The following LINGO2 variants were observed in gnomAD, a reference collection of about 807,000 sequenced individuals.
The protein encoded by LINGO2 is leucine rich repeat and Ig domain containing 2.
Under a neutral mutation model 30.6 loss-of-function variants are expected in LINGO2, and 14 were observed. That is an observed-to-expected ratio of 0.46 (90% CI 0.30 to 0.72). The LOEUF (loss-of-function observed/expected upper bound fraction) is 0.72. LINGO2 is among the 30% of genes least tolerant of loss of function. LINGO2 has a pLI of 0.07. For synonymous variants in LINGO2, 317 were observed against 288.5 expected (o/e 1.10, Z -1.00); for missense variants, 729 against 751.7 (o/e 0.97, Z 0.35).
intron 1 of LINGO2, among the ~76,000 whole-genome samples, chr9:28,595,645 T>A (rs1825138162): frequency 6.6e-6 from 1 of 152,080 alleles, no homozygotes; most frequent in Non-Finnish European, 1.5e-5. Flanking sequence ...TTTTTCTTCA[T>A]GGAAACAACT....
At chr9:29,016,799 C>T in the LINGO2 span, among the ~76,000 whole-genome samples, 1 of 152,106 alleles carries the variant, frequency 6.6e-6, no homozygotes, top group Admixed American at 6.6e-5. Context: ...AGACAACTGA[C>T]CAGCAAAATT....
At chr9:28,695,883 T>G in the LINGO2 span, among the ~76,000 whole-genome samples, 1 of 152,104 alleles carries the variant, frequency 6.6e-6, no homozygotes, top group African/African-American at 2.4e-5. Flanking sequence ...AAATGGTATT[T>G]ATTTTGGTTT....
chr9:28,223,572 T>C (rs1312285571), intron 4 of LINGO2, among the ~76,000 whole-genome samples: 1 of 152,196 alleles, frequency 6.6e-6, no homozygotes, highest in African/African-American at 2.4e-5. Flanking sequence ...ATTAATTAGA[T>C]GCTTATCAGG....
At chr9:29,032,601 A>C in the LINGO2 span, among the ~76,000 whole-genome samples, 3 of 152,160 alleles carry the variant, frequency 2.0e-5, no homozygotes, top group Non-Finnish European at 4.4e-5. Flanking sequence ...CATCTCTTAG[A>C]ATCATTCAAG....
At chr9:28,250,482 C>A (rs182716396) in intron 4 of LINGO2, among the ~76,000 whole-genome samples, 1 of 152,088 alleles carries the variant, frequency 6.6e-6, no homozygotes, top group Non-Finnish European at 1.5e-5. Context: ...GACAAAGAAG[C>A]CCGAACAAGT....
At chr9:28,391,781 C>G (rs576132563) in intron 2 of LINGO2, among the ~76,000 whole-genome samples, 1 of 152,112 alleles carries the variant, frequency 6.6e-6, no homozygotes, top group East Asian at 1.9e-4. Flanking sequence ...CAATAAATAC[C>G]TAATTTATTT....
the LINGO2 span, among the ~76,000 whole-genome samples, chr9:28,939,573 T>C: frequency 6.6e-6 from 1 of 152,172 alleles, no homozygotes; most frequent in African/African-American, 2.4e-5. Context: ...TTTCCTAATA[T>C]CTCTGGAAGA....
chr9:28,561,205 C>T (rs943395489), intron 1 of LINGO2, among the ~76,000 whole-genome samples: 3 of 151,972 alleles, frequency 2.0e-5, no homozygotes, highest in East Asian at 1.9e-4. Flanking sequence ...TCCTTATTTC[C>T]CAGGCTCCCT....
chr9:28,092,859 A>G (rs1003018320), intron 4 of LINGO2, among the ~76,000 whole-genome samples: 3 of 152,220 alleles, frequency 2.0e-5, no homozygotes, highest in South Asian at 2.1e-4. Context: ...ATAGTATTAT[A>G]AAAATAGTTA....
At chr9:28,868,150 C>T in the LINGO2 span, among the ~76,000 whole-genome samples, 3 of 152,168 alleles carry the variant, frequency 2.0e-5, no homozygotes, top group East Asian at 5.8e-4. Flanking sequence ...GTTAACTTTG[C>T]TTACACTTAA....
intron 3 of LINGO2, among the ~76,000 whole-genome samples, chr9:28,312,673 A>G (rs555937039): frequency 1.8e-3 from 270 of 152,328 alleles, no homozygotes; most frequent in Non-Finnish European, 3.0e-3. Context: ...CTACCCTTAT[A>G]CAAGACAGAG....
chr9:28,038,585 T>C (rs1008456136), intron 4 of LINGO2, among the ~76,000 whole-genome samples: 3 of 150,846 alleles, frequency 2.0e-5, no homozygotes, highest in South Asian at 2.1e-4. Flanking sequence ...CCCAGCTACT[T>C]GGGAGGCTGA....
the LINGO2 span, among the ~76,000 whole-genome samples, chr9:28,775,264 C>T: frequency 0.4 from 60,161 of 152,000 alleles, 12,584 homozygotes; most frequent in African/African-American, 0.54. Context: ...CTGCTCCCTA[C>T]ATTACACAGT....
At chr9:28,949,277 T>A in the LINGO2 span, among the ~76,000 whole-genome samples, 3 of 151,432 alleles carry the variant, frequency 2.0e-5, no homozygotes, top group Non-Finnish European at 2.9e-5. Context: ...CTGAAGGAGA[T>A]AGAGACACGA....
chr9:28,195,615 G>A (rs1473204734), intron 4 of LINGO2, among the ~76,000 whole-genome samples: 1 of 151,236 alleles, frequency 6.6e-6, no homozygotes, highest in Middle Eastern at 3.5e-3. Flanking sequence ...GGATGAAACA[G>A]ATGATTTTCT....
chr9:28,006,139 C>T (rs1322222252), intron 5 of LINGO2, among the ~76,000 whole-genome samples: 8 of 151,340 alleles, frequency 5.3e-5, no homozygotes, highest in East Asian at 1.9e-4. Context: ...AAGCTCCTTC[C>T]GGAAGAAAAA....
chr9:28,733,367 A>G, the LINGO2 span, among the ~76,000 whole-genome samples: 1 of 152,174 alleles, frequency 6.6e-6, no homozygotes, highest in Non-Finnish European at 1.5e-5. Context: ...TTTTTGATAT[A>G]TATTTTAGCT....
the LINGO2 span, among the ~76,000 whole-genome samples, chr9:29,001,723 G>T: frequency 6.6e-6 from 1 of 151,932 alleles, no homozygotes; most frequent in African/African-American, 2.4e-5. Context: ...TAAGGATAAA[G>T]ATCTTTACCA....
At chr9:28,579,973 G>GT (rs1164816189) in intron 1 of LINGO2, among the ~76,000 whole-genome samples, 3 of 152,064 alleles carry the variant, frequency 2.0e-5, no homozygotes, top group Non-Finnish European at 4.4e-5. Context: ...TGGGCAGGCT[G>GT]TCAACATTAC....
Sources: gnomAD v4.1 joint callset for allele counts (sites outside exome capture counted in the v4.1 genomes callset) on GRCh38, gnomAD v4.1.1 for gene constraint, MANE v1.5 for transcripts, NCBI Gene and HGNC (gene_info 2026-07-23, HGNC 2026-07-21) for gene names.